The following MACROD2 variants were observed in gnomAD, a reference collection of about 807,000 sequenced individuals.
MACROD2 encodes the protein ADP-ribose glycohydrolase MACROD2.
MACROD2 carries 36 observed loss-of-function variants against 70.4 expected under a neutral mutation model. The ratio of observed to expected loss-of-function variants is 0.51; its 90% confidence interval spans 0.39 to 0.68. The LOEUF is 0.68. MACROD2 is among the 30% of genes least tolerant of loss of function. MACROD2 has a pLI of 0.00. For missense variants in MACROD2, 496 were observed against 538.4 expected (o/e 0.92, Z 0.78); for synonymous variants, 172 against 178.8 (o/e 0.96, Z 0.30).
At chr20:14,408,176 T>C (rs2083711743) in intron 3 of MACROD2, among the ~76,000 whole-genome samples, 1 of 152,224 alleles carries the variant, frequency 6.6e-6, no homozygotes, top group African/African-American at 2.4e-5. Context: ...TGTGCATGAA[T>C]CATATTAAGA....
At chr20:15,476,597 A>T (rs1267202606) in intron 7 of MACROD2, among the ~76,000 whole-genome samples, 1 of 151,166 alleles carries the variant, frequency 6.6e-6, no homozygotes, top group Non-Finnish European at 1.5e-5. Flanking sequence ...CTGTCAACTG[A>T]GCACAGTGTA....
At chr20:15,047,312 T>C (rs2075402536) in intron 5 of MACROD2, among the ~76,000 whole-genome samples, 1 of 152,188 alleles carries the variant, frequency 6.6e-6, no homozygotes, top group Admixed American at 6.5e-5. Flanking sequence ...ATTCTGTACT[T>C]GATGTGGCTA....
At chr20:14,819,754 AAGGAG>A (rs997491759) in intron 5 of MACROD2, among the ~76,000 whole-genome samples, 12 of 152,200 alleles carry the variant, frequency 7.9e-5, no homozygotes, top group African/African-American at 2.9e-4. Flanking sequence ...GGGGAGCGGA[AAGGAG>A]AGAAGTGTTC....
At chr20:15,554,627 G>C (rs1446222495) in intron 8 of MACROD2, among the ~76,000 whole-genome samples, 2 of 151,142 alleles carry the variant, frequency 1.3e-5, no homozygotes, top group East Asian at 1.9e-4. Context: ...TGTATGCTTA[G>C]GACTATTGTT....
chr20:15,941,095 T>C (rs2065745306), intron 12 of MACROD2, among the ~76,000 whole-genome samples: 2 of 152,208 alleles, frequency 1.3e-5, no homozygotes, highest in Non-Finnish European at 2.9e-5. Flanking sequence ...ATTAATTGCT[T>C]ATGCCAGGAT....
chr20:14,530,027 G>A (rs940816467), intron 4 of MACROD2, among the ~76,000 whole-genome samples: 3 of 152,144 alleles, frequency 2.0e-5, no homozygotes, highest in African/African-American at 7.2e-5. Context: ...GAAGAGAATG[G>A]ATTATCACTG....
intron 5 of MACROD2, among the ~76,000 whole-genome samples, chr20:15,187,290 C>T (rs1345619468): frequency 6.6e-6 from 1 of 152,156 alleles, no homozygotes; most frequent in African/African-American, 2.4e-5. Flanking sequence ...TGTTTTCAGA[C>T]ATGTTAAAAT....
chr20:14,530,082 C>T (rs2085284513), intron 4 of MACROD2, among the ~76,000 whole-genome samples: 1 of 152,136 alleles, frequency 6.6e-6, no homozygotes, highest in Non-Finnish European at 1.5e-5. Flanking sequence ...AGAAATGGTA[C>T]AGAATTACAT....
chr20:15,296,276 T>C (rs1356884476), intron 6 of MACROD2, among the ~76,000 whole-genome samples: 5 of 152,114 alleles, frequency 3.3e-5, no homozygotes, highest in Admixed American at 3.3e-4. Context: ...CCCAGCTTTT[T>C]CAACATAAAA....
chr20:15,249,844 C>T (rs1568668010), intron 6 of MACROD2, among the ~76,000 whole-genome samples: 1 of 152,236 alleles, frequency 6.6e-6, no homozygotes, highest in Non-Finnish European at 1.5e-5. Flanking sequence ...AGGATTTGCA[C>T]AGCGCCAACA....
intron 6 of MACROD2, among the ~76,000 whole-genome samples, chr20:15,246,120 C>T (rs138096981): frequency 1.1e-4 from 16 of 152,268 alleles, no homozygotes; most frequent in Admixed American, 3.3e-4. Context: ...GCTAATAAAT[C>T]GTCTTATCTC....
intron 8 of MACROD2, among the ~76,000 whole-genome samples, chr20:15,628,288 G>A (rs778045203): frequency 2.0e-5 from 3 of 151,984 alleles, no homozygotes; most frequent in African/African-American, 4.8e-5. Context: ...AAATAAATAG[G>A]TCAGCCTTTA....
rs146005903 is a variant in MACROD2, at chr20:15,241,856, T to C, written c.540+11795T>C. Among the ~76,000 whole-genome samples, 65 of 151,392 alleles carry C rather than the reference T, an allele frequency of 4.3e-4. 1 individual carries two copies. Among genetic ancestry groups the C allele is most frequent in the Middle Eastern group, 6.9e-3 (2 of 290 alleles). On this transcript the variant is annotated intron_variant, in intron 6 of 17. Coordinates refer to ENST00000684519, the MANE Select transcript of MACROD2 (RefSeq NM_001351661.2). ...GCTACCCTAGGGAAACAAGGACTCA[T>C]AGAAATTGTGGTCAGAAGCATGAAT...
chr20:14,490,512 C>G (rs1266069981), intron 3 of MACROD2, among the ~76,000 whole-genome samples: 1 of 152,030 alleles, frequency 6.6e-6, no homozygotes, highest in Non-Finnish European at 1.5e-5. Flanking sequence ...TTCCTTCCCT[C>G]CACTGGTAAT....
chr20:14,155,336 C>T lies in MACROD2; in HGVS notation c.271+69608C>T, dbSNP rs556611509. Among the ~76,000 whole-genome samples, 3 of 152,062 alleles carry T rather than the reference C, an allele frequency of 2.0e-5. No homozygotes were observed. The South Asian group carries it at 6.2e-4, about 32-fold the overall frequency. On this transcript the variant is annotated intron_variant, in intron 3 of 17. Coordinates refer to ENST00000684519, the MANE Select transcript of MACROD2 (RefSeq NM_001351661.2). The stretch of plus-strand genomic sequence containing the variant: ...TCAAAAATCAGTTAAAAATTTCTTC[C>T]GAGATTTCTACTTTTATAAGTCGTA...
chr20:16,044,650 C>T lies in MACROD2; in HGVS notation c.1300+11C>T, dbSNP rs758753395. On this transcript the variant is annotated intron_variant, in intron 17 of 17. Transcript: ENST00000684519. ...AAGATCAACTAATAGGTAAGATGCC[C>T]CTTGTGGTGAGATTTTCAATGATCA... 3.5e-5 allele frequency: 57 copies of T among 1,606,468 alleles called. 2 individuals carry two copies. The South Asian group carries it at 5.2e-4, about 15-fold the overall frequency.
intron 9 of MACROD2, among the ~76,000 whole-genome samples, chr20:15,866,469 T>A (rs2064495302): frequency 6.6e-6 from 1 of 151,490 alleles, no homozygotes; most frequent in African/African-American, 2.4e-5. Flanking sequence ...GAAAAAAAAA[T>A]GGATGCCAAG....
chr20:14,969,570 G>A (rs1035994324), intron 5 of MACROD2, among the ~76,000 whole-genome samples: 6 of 151,924 alleles, frequency 3.9e-5, no homozygotes, highest in East Asian at 1.9e-4. Flanking sequence ...CTTTGTAGTC[G>A]TAAGAAAAAT....
intron 8 of MACROD2, among the ~76,000 whole-genome samples, chr20:15,842,753 G>A (rs201462751): frequency 3.1e-4 from 44 of 140,856 alleles, no homozygotes; most frequent in East Asian, 6.3e-4. Context: ...TAGAGAAATA[G>A]ACAGACAAAT....
Sources: gnomAD v4.1 joint callset for allele counts (sites outside exome capture counted in the v4.1 genomes callset) on GRCh38, gnomAD v4.1.1 for gene constraint, MANE v1.5 for transcripts, NCBI Gene and HGNC (gene_info 2026-07-23, HGNC 2026-07-21) for gene names.